KATNAL2: variants seen among roughly 807,000 people sequenced by gnomAD.
The protein encoded by KATNAL2 is katanin catalytic subunit A1 like 2.
Under a neutral mutation model 76.3 loss-of-function variants are expected in KATNAL2, and 52 were observed. The ratio of observed to expected loss-of-function variants is 0.68; its 90% CI spans 0.55 to 0.86. The LOEUF is 0.86. KATNAL2 is among the 40% of genes least tolerant of loss of function. The probability of loss-of-function intolerance (pLI) is 0.00; values close to 1 mark genes in which losing one functional copy is unlikely to be tolerated. For synonymous variants in KATNAL2, 243 were observed against 244.2 expected, an observed-to-expected ratio of 1.00 and a Z score of 0.05; for missense variants, 660 against 668.9, an observed-to-expected ratio of 0.99 and a Z score of 0.15.
chr18:47,086,605 G>A lies in KATNAL2; in HGVS notation c.1211+9144G>A, dbSNP rs192286949. Among the ~76,000 whole-genome samples the A allele has an allele frequency of 5.5e-3, 835 of 152,260 alleles. 9 individuals are homozygous for A. Among genetic ancestry groups the A allele is most frequent in the African/African-American group, 0.019 (801 of 41,550 alleles). On this transcript the variant is annotated intron_variant, in intron 15 of 17. Coordinates refer to ENST00000683218, the MANE Select transcript of KATNAL2 (RefSeq NM_001387690.1). The stretch of plus-strand genomic sequence containing the variant: ...GTTGGGATTACAGGCGTGAGCCACT[G>A]TGCCCAGCCTGTTATTCATCTTTAA...
intron 1 of KATNAL2, among the ~76,000 whole-genome samples, chr18:46,939,544 T>C (rs1008181260): frequency 3.9e-5 from 6 of 152,082 alleles, no homozygotes; most frequent in Non-Finnish European, 8.8e-5. Flanking sequence ...ATCACATACT[T>C]TTTGGGGTGC....
At chr18:47,072,257 C>T (rs191704327) in intron 13 of KATNAL2, among the ~76,000 whole-genome samples, 3 of 152,000 alleles carry the variant, frequency 2.0e-5, no homozygotes, top group Non-Finnish European at 4.4e-5. Flanking sequence ...TGCCCAGCCT[C>T]TTCCTTTCTT....
At chr18:47,046,073 G>A (rs976149353) in intron 3 of KATNAL2, among the ~76,000 whole-genome samples, 1 of 152,226 alleles carries the variant, frequency 6.6e-6, no homozygotes, top group Non-Finnish European at 1.5e-5. Context: ...TGCCTGTGTT[G>A]TCACAGATGA....
intron 4 of KATNAL2, among the ~76,000 whole-genome samples, chr18:47,050,150 T>A (rs532584935): frequency 2.0e-5 from 3 of 152,250 alleles, no homozygotes; most frequent in Non-Finnish European, 4.4e-5. Context: ...GTGCTGAGAT[T>A]ACTGGCATGA....
chr18:47,036,724 T>G (rs2060788907), intron 3 of KATNAL2, among the ~76,000 whole-genome samples: 1 of 152,254 alleles, frequency 6.6e-6, no homozygotes, highest in African/African-American at 2.4e-5. Flanking sequence ...CTATGGTTTT[T>G]TCTCTTATTT....
intron 3 of KATNAL2, among the ~76,000 whole-genome samples, chr18:46,960,337 G>T (rs2059899373): frequency 6.6e-6 from 1 of 151,858 alleles, no homozygotes; most frequent in South Asian, 2.1e-4. Context: ...TACTCGGGAG[G>T]CTAATTGCTT....
At chr18:46,939,911 T>G (rs1182055890) in intron 1 of KATNAL2, among the ~76,000 whole-genome samples, 2 of 152,218 alleles carry the variant, frequency 1.3e-5, no homozygotes, top group Admixed American at 1.3e-4. Flanking sequence ...CCCTTCATTT[T>G]TAAAACTAAC....
At chr18:47,036,584 T>C (rs1156431210) in intron 3 of KATNAL2, among the ~76,000 whole-genome samples, 1 of 152,260 alleles carries the variant, frequency 6.6e-6, no homozygotes, top group Non-Finnish European at 1.5e-5. Context: ...CTGGATCTTC[T>C]TCCACCTGTT....
chr18:46,953,970 G>A (rs1428200980), intron 3 of KATNAL2, among the ~76,000 whole-genome samples: 1 of 152,068 alleles, frequency 6.6e-6, no homozygotes, highest in Non-Finnish European at 1.5e-5. Flanking sequence ...GGCAAAATAA[G>A]TTTGGTTGCC....
chr18:47,058,441 G>A (rs1172443935), intron 7 of KATNAL2, 89 bp downstream of exon 7: 1 of 751,928 alleles, frequency 1.3e-6, no homozygotes, highest in African/African-American at 1.8e-5. Flanking sequence ...ATTTTTTGAG[G>A]ACCTACGCTT....
rs147763497 is a variant in KATNAL2, at chr18:47,075,482, A to C, written c.1100+114A>C. 7.0e-4 allele frequency: 460 copies of C among 654,968 alleles called. 2 individuals are homozygous for C. The African/African-American group carries it at 8.1e-3, about 11-fold the overall frequency. 40.6% of individuals were successfully genotyped at this position (654,968 alleles called of 1,614,324 possible). Reference sequence around the variant, plus strand: ...CATTTACTAGCAGAATGAGCCCATTAATAAGCCCACAAATTTTCTGCAGAC... The same window carrying C: ...CATTTACTAGCAGAATGAGCCCATTCATAAGCCCACAAATTTTCTGCAGAC... On this transcript the variant is annotated intron_variant, in intron 14 of 17. Coordinates refer to ENST00000683218, the MANE Select transcript of KATNAL2 (RefSeq NM_001387690.1).
intron 14 of KATNAL2, chr18:47,076,100 A>G (rs1056579788): frequency 1.3e-5 from 2 of 152,214 alleles, no homozygotes; most frequent in Non-Finnish European, 2.9e-5. Context: ...GATCTCTGAG[A>G]AATCTCAACA....
At position 46,955,140 on chromosome 18, in the gene KATNAL2, C is replaced by CTCTTTCTCTCTCTCTT. The variant is rs1555834719; in HGVS notation, c.51+8224_51+8225insCTCTCTCTTTCTTTCT. 3.5e-5 allele frequency among the ~76,000 whole-genome samples: 3 copies of CTCTTTCTCTCTCTCTT among 85,020 alleles called. No homozygotes were observed. The Admixed American group carries it at 4.2e-4, about 12-fold the overall frequency. The allele number at this position is 85,020 out of a possible 152,430, so 55.8% of individuals were successfully genotyped here. A position where few individuals can be genotyped will look rare whatever the true frequency, so the allele number is the denominator to read the frequency against. On this transcript the variant is annotated intron_variant, in intron 3 of 17. Transcript: ENST00000683218. ...CTTTTGTCTTTCTTTCTTTCTCTCT[C>CTCTTTCTCTCTCTCTT]TCTTTCTTTCTTTCTTTCTTTCTTT...
rs189761041 is a variant in KATNAL2 at position 47,069,833 on chromosome 18, T to C, written c.1008+233T>C. ...CCTTTGGGAATTTGATCAACAGCTC[T>C]TTTTTTATTCATGCAATTTAGGCAT... On this transcript the variant is annotated intron_variant, in intron 13 of 17. Transcript: ENST00000683218. Among the ~76,000 whole-genome samples, 5 of 152,186 alleles carry C rather than the reference T, an allele frequency of 3.3e-5. 1 individual carries two copies. Among genetic ancestry groups the C allele is most frequent in the African/African-American group, 1.2e-4 (5 of 41,538 alleles).
At chr18:47,079,823 T>C (rs2062423056) in intron 15 of KATNAL2, among the ~76,000 whole-genome samples, 1 of 152,184 alleles carries the variant, frequency 6.6e-6, no homozygotes, top group Non-Finnish European at 1.5e-5. Flanking sequence ...TCAGGATCAA[T>C]AGAATTTTTT....
intron 3 of KATNAL2, among the ~76,000 whole-genome samples, chr18:46,952,055 G>A (rs2146706846): frequency 6.6e-6 from 1 of 152,158 alleles, no homozygotes; most frequent in East Asian, 1.9e-4. Flanking sequence ...TTACAGGCAT[G>A]AGCCACCATG....
intron 4 of KATNAL2, among the ~76,000 whole-genome samples, chr18:47,052,248 A>G (rs1257693485): frequency 1.3e-5 from 2 of 152,242 alleles, no homozygotes; most frequent in Admixed American, 6.5e-5. Context: ...GTAAGGAACA[A>G]AGATCAAGGT....
intron 1 of KATNAL2, chr18:46,920,280 GTA>G (rs2058463322): frequency 2.7e-6 from 1 of 370,196 alleles, no homozygotes; most frequent in African/African-American, 2.1e-5. Context: ...GCTTTGCCAA[GTA>G]GATCAAGTGT....
chr18:46,954,136 G>C (rs540143438), intron 3 of KATNAL2, among the ~76,000 whole-genome samples: 9 of 151,570 alleles, frequency 5.9e-5, no homozygotes, highest in South Asian at 2.1e-4. Flanking sequence ...TTCTGCCTGG[G>C]TAGGGGAGGA....
Sources: allele counts gnomAD v4.1 joint callset (sites outside exome capture counted in the v4.1 genomes callset), GRCh38; gene constraint gnomAD v4.1.1; transcripts MANE v1.5; gene names NCBI Gene and HGNC (gene_info 2026-07-23, HGNC 2026-07-21).